Variants in NRXN3 observed in about 807,000 individuals in gnomAD.
The protein encoded by NRXN3 is neurexin 3.
In NRXN3, 32 loss-of-function variants were observed where a neutral mutation model predicts 137.6. The observed-to-expected ratio is 0.23, with a 90% CI of 0.18 to 0.31. The LOEUF (loss-of-function observed/expected upper bound fraction) is 0.31. Among genes scored for constraint, NRXN3 ranks in the 10% least tolerant of loss-of-function variants. NRXN3 has a pLI of 1.00. For synonymous variants in NRXN3, 798 were observed against 784.5 expected, an observed-to-expected ratio of 1.02 and a Z score of -0.29; for missense variants, 1,574 against 2,062.5, an observed-to-expected ratio of 0.76 and a Z score of 4.59.
rs146832915 is a variant in NRXN3, at chr14:79,030,233, G to A, written c.3262+42092G>A. Among the ~76,000 whole-genome samples, 160 of 151,524 alleles carry A rather than the reference G, an allele frequency of 1.1e-3. 1 individual carries two copies. Among genetic ancestry groups the A allele is most frequent in the African/African-American group, 3.6e-3 (147 of 41,284 alleles). On this transcript the variant is annotated intron_variant, in intron 15 of 20. Transcript: ENST00000335750. Reference sequence around the variant, plus strand: ...AGCCTCTACATAGTAGATGCCAGTAGTAGCCCCCCCAACATAATTGTCACA... The same window carrying A: ...AGCCTCTACATAGTAGATGCCAGTAATAGCCCCCCCAACATAATTGTCACA...
intron 15 of NRXN3, among the ~76,000 whole-genome samples, chr14:79,422,467 C>A (rs2095592491): frequency 6.6e-6 from 1 of 152,148 alleles, no homozygotes. Context: ...TATTCAACTG[C>A]ATTCTTTAAG....
chr14:79,601,979 C>A (rs2153835518), intron 16 of NRXN3, among the ~76,000 whole-genome samples: 1 of 152,188 alleles, frequency 6.6e-6, no homozygotes, highest in Non-Finnish European at 1.5e-5. Flanking sequence ...AATTTATCTT[C>A]TTTTGAAAGA....
At chr14:78,432,377 G>T (rs1305551885) in intron 4 of NRXN3, among the ~76,000 whole-genome samples, 1 of 151,552 alleles carries the variant, frequency 6.6e-6, no homozygotes, top group Non-Finnish European at 1.5e-5. Flanking sequence ...TTATCTAAAG[G>T]TGTTTTGCAA....
chr14:79,812,126 T>TAAAAAAATG (rs1568333657), intron 20 of NRXN3, among the ~76,000 whole-genome samples: 1 of 151,960 alleles, frequency 6.6e-6, no homozygotes, highest in African/African-American at 2.4e-5. Context: ...TATTTAATAA[T>TAAAAAAATG]AAAAAAATGA....
chr14:79,393,861 C>T (rs1014512807), intron 15 of NRXN3, among the ~76,000 whole-genome samples: 7 of 152,068 alleles, frequency 4.6e-5, no homozygotes, highest in Non-Finnish European at 7.4e-5. Context: ...ATATTTATTG[C>T]ATACAACTCA....
chr14:79,124,875 T>C (rs745794886), intron 15 of NRXN3, among the ~76,000 whole-genome samples: 1 of 150,258 alleles, frequency 6.7e-6, no homozygotes, highest in Non-Finnish European at 1.5e-5. Context: ...ACAGATAAAA[T>C]AGCTGTTTTT....
chr14:78,217,878 C>G (rs1193868201), intron 1 of NRXN3, among the ~76,000 whole-genome samples: 1 of 152,140 alleles, frequency 6.6e-6, no homozygotes, highest in Admixed American at 6.5e-5. Flanking sequence ...CCAGGCTGGT[C>G]TTGAATTCCT....
At chr14:78,446,778 A>T (rs935226636) in intron 4 of NRXN3, among the ~76,000 whole-genome samples, 2 of 152,178 alleles carry the variant, frequency 1.3e-5, no homozygotes, top group African/African-American at 4.8e-5. Flanking sequence ...ATTTGCCTCA[A>T]CCTAAGTTGG....
intron 19 of NRXN3, among the ~76,000 whole-genome samples, chr14:79,794,655 G>C (rs574144675): frequency 6.6e-6 from 1 of 152,200 alleles, no homozygotes; most frequent in Admixed American, 6.5e-5. Context: ...ATAGAATCCG[G>C]AGAGAGGAAA....
intron 2 of NRXN3, among the ~76,000 whole-genome samples, chr14:78,259,848 G>A (rs1160465241): frequency 6.6e-6 from 1 of 152,110 alleles, no homozygotes; most frequent in Non-Finnish European, 1.5e-5. Flanking sequence ...GTGTGTTGCT[G>A]TTCAGCAATC....
chr14:79,728,420 G>C (rs927423637), intron 19 of NRXN3, among the ~76,000 whole-genome samples: 3 of 152,194 alleles, frequency 2.0e-5, no homozygotes, highest in African/African-American at 7.2e-5. Flanking sequence ...CCTCCCAGGA[G>C]ATAGCTCCCT....
At chr14:79,806,421 G>A (rs2099205422) in intron 20 of NRXN3, among the ~76,000 whole-genome samples, 1 of 152,154 alleles carries the variant, frequency 6.6e-6, no homozygotes, top group Non-Finnish European at 1.5e-5. Context: ...GTATGACACA[G>A]GGACACATCA....
intron 16 of NRXN3, among the ~76,000 whole-genome samples, chr14:79,526,290 G>C (rs879683223): frequency 6.6e-6 from 1 of 152,224 alleles, no homozygotes; most frequent in East Asian, 1.9e-4. Context: ...CAGGTGATCT[G>C]CCTGCCTTGG....
intron 10 of NRXN3, among the ~76,000 whole-genome samples, chr14:78,852,945 T>C (rs530666444): frequency 2.4e-4 from 37 of 152,172 alleles, no homozygotes; most frequent in Non-Finnish European, 4.4e-4. Flanking sequence ...GAAGTTTGTC[T>C]TTCTGTGCCT....
At chr14:79,818,828 CTG>C (rs1309917114) in intron 20 of NRXN3, among the ~76,000 whole-genome samples, 4 of 152,152 alleles carry the variant, frequency 2.6e-5, no homozygotes, top group Non-Finnish European at 4.4e-5. Flanking sequence ...AATTTTAAAA[CTG>C]TGTTTGCTTG....
intron 15 of NRXN3, among the ~76,000 whole-genome samples, chr14:79,098,893 G>A (rs898966469): frequency 3.3e-5 from 5 of 152,138 alleles, no homozygotes; most frequent in Admixed American, 1.3e-4. Flanking sequence ...TTTTTCAGAC[G>A]CTTCCTATCC....
At chr14:79,819,538 G>A (rs1480983272) in intron 20 of NRXN3, among the ~76,000 whole-genome samples, 4 of 123,884 alleles carry the variant, frequency 3.2e-5, no homozygotes, top group Non-Finnish European at 6.3e-5. Flanking sequence ...AAGCTGGAGG[G>A]CAGTGGCACA....
At chr14:78,918,849 G>A (rs751307526) in intron 10 of NRXN3, among the ~76,000 whole-genome samples, 2 of 152,172 alleles carry the variant, frequency 1.3e-5, no homozygotes, top group Non-Finnish European at 2.9e-5. Context: ...TAGTTCAGGT[G>A]TGTAGAGGTT....
rs184955403 is a variant in NRXN3 at position 78,239,919 on chromosome 14, G to A, written c.-703-2472G>A. Among the ~76,000 whole-genome samples the A allele has an allele frequency of 1.2e-4, 18 of 152,282 alleles. 1 individual carries two copies. Among genetic ancestry groups the A allele is most frequent in the East Asian group, 5.8e-4 (3 of 5,186 alleles). On this transcript the variant is annotated intron_variant, in intron 1 of 20. Transcript: ENST00000335750. ...GGGTTTCGCCACATTGGCCAGACTG[G>A]TCTTGAACTCCTGACCTCAGGTGAT...
Sources: gnomAD v4.1 joint callset for allele counts (sites outside exome capture counted in the v4.1 genomes callset) on GRCh38, gnomAD v4.1.1 for gene constraint, MANE v1.5 for transcripts, NCBI Gene and HGNC (gene_info 2026-07-23, HGNC 2026-07-21) for gene names.